COL4A2: variants seen among roughly 807,000 people sequenced by gnomAD.
The protein encoded by COL4A2 is collagen alpha-2(IV) chain.
In COL4A2, 99 loss-of-function variants were observed where a neutral mutation model predicts 200.2. That is an observed-to-expected ratio of 0.49 (90% CI 0.42 to 0.58). The LOEUF is 0.58. Among genes scored for constraint, COL4A2 ranks in the 20% least tolerant of loss-of-function variants. The probability of loss-of-function intolerance (pLI) is 0.00; values close to 1 mark genes in which losing one functional copy is unlikely to be tolerated. For missense variants in COL4A2, 1,950 were observed against 2,314.1 expected (o/e 0.84, Z 3.23); for synonymous variants, 897 against 900.6 (o/e 1.00, Z 0.07).
chr13:110,344,937 C>A (rs1023590216), intron 3 of COL4A2, among the ~76,000 whole-genome samples: 61 of 152,290 alleles, frequency 4.0e-4, no homozygotes, highest in Admixed American at 2.0e-3. Context: ...GCCCTAGTTA[C>A]AAAGTTGCAT....
At chr13:110,496,680 T>G (rs7996741) in intron 40 of COL4A2, among the ~76,000 whole-genome samples, 158 of 74,618 alleles carry the variant, frequency 2.1e-3, no homozygotes, top group Middle Eastern at 0.011. Flanking sequence ...TCAGTCAGAG[T>G]TGAGGATCTA....
intron 3 of COL4A2, among the ~76,000 whole-genome samples, chr13:110,348,724 G>A (rs1876821108): frequency 6.6e-6 from 1 of 152,074 alleles, no homozygotes. Context: ...TTAACAATAG[G>A]TAATGTTGAT....
At chr13:110,338,526 A>C (rs1876310168) in intron 3 of COL4A2, among the ~76,000 whole-genome samples, 1 of 152,082 alleles carries the variant, frequency 6.6e-6, no homozygotes, top group African/African-American at 2.4e-5. Context: ...AGCAGGAGGG[A>C]GCTGGCCTGG....
intron 29 of COL4A2, among the ~76,000 whole-genome samples, chr13:110,473,801 G>T (rs1434620610): frequency 2.0e-5 from 3 of 152,202 alleles, no homozygotes; most frequent in African/African-American, 7.2e-5. Context: ...GGGATTGCTA[G>T]ATCATTGCAA....
intron 4 of COL4A2, among the ~76,000 whole-genome samples, chr13:110,376,897 A>T (rs1878260384): frequency 6.6e-6 from 1 of 152,208 alleles, no homozygotes. Flanking sequence ...TATTAAGCAG[A>T]TAGATAATTC....
intron 16 of COL4A2, among the ~76,000 whole-genome samples, chr13:110,445,274 T>C (rs373419641): frequency 6.6e-6 from 1 of 152,190 alleles, no homozygotes; most frequent in African/African-American, 2.4e-5. Context: ...GTTCAGGTTG[T>C]CAACACCTGA....
intron 4 of COL4A2, among the ~76,000 whole-genome samples, chr13:110,361,960 T>C (rs1877533588): frequency 6.6e-6 from 1 of 152,192 alleles, no homozygotes; most frequent in South Asian, 2.1e-4. Context: ...CACACCCAGA[T>C]TGTGGCAGAG....
chr13:110,408,406 A>C (rs1457992091), intron 4 of COL4A2, among the ~76,000 whole-genome samples: 1 of 152,196 alleles, frequency 6.6e-6, no homozygotes. Context: ...TTCCTCCATG[A>C]CCATGCTTCC....
intron 38 of COL4A2, 133 bp from the exon 39 acceptor site, chr13:110,493,073 ACCCCC>A: frequency 3.5e-5 from 30 of 853,292 alleles, no homozygotes; most frequent in Middle Eastern, 5.1e-4. Flanking sequence ...GATGAGTGAC[ACCCCC>A]ATGGGTGAAA....
intron 4 of COL4A2, among the ~76,000 whole-genome samples, chr13:110,392,982 C>T (rs113855883): frequency 2.1e-3 from 313 of 152,326 alleles, no homozygotes; most frequent in African/African-American, 7.3e-3. Context: ...ATGGAGGATT[C>T]TGACTAGCCT....
At chr13:110,363,588 T>C (rs1455434850) in intron 4 of COL4A2, among the ~76,000 whole-genome samples, 2 of 152,052 alleles carry the variant, frequency 1.3e-5, no homozygotes, top group South Asian at 2.1e-4. Flanking sequence ...AGGGGTCATC[T>C]TGAGATGAAA....
intron 26 of COL4A2, among the ~76,000 whole-genome samples, chr13:110,466,601 C>T (rs7995370): frequency 0.16 from 24,747 of 152,232 alleles, 2,351 homozygotes; most frequent in Admixed American, 0.29. Context: ...CTGTGGTTCA[C>T]TCTGAAAGTA....
intron 46 of COL4A2, chr13:110,507,558 G>A: frequency 3.8e-6 from 1 of 262,746 alleles, no homozygotes; most frequent in Non-Finnish European, 7.3e-6. Flanking sequence ...TTCTGGGGTG[G>A]CTCCTTGGGG....
intron 3 of COL4A2, among the ~76,000 whole-genome samples, chr13:110,325,085 A>G (rs571122471): frequency 1.3e-5 from 2 of 152,348 alleles, no homozygotes; most frequent in South Asian, 2.1e-4. Context: ...AACTGACTGT[A>G]TGAAAACGTC....
Position 110,465,511 on chromosome 13 carries a change from T to G in COL4A2, c.1883T>G (p.Leu628Arg), listed in dbSNP as rs760079031. The G allele has an allele frequency of 6.2e-7, 1 of 1,613,996 alleles. No individual in the cohort carries two copies. The highest frequency in any genetic ancestry group is 8.5e-7 in the Non-Finnish European group (1 of 1,180,014). ...CCCCCAGGACTGGGCCTTCCCGGCC[T>G]CAAAGGCCAACGTGGTTTCCCTGGA... ...MGPPGLGLPG[L>R]KGQRGFPGDA... Residue 628 changes from leucine (L) to arginine (R), a missense_variant, in exon 25 of 48, where the codon CTC becomes CGC. Physicochemically the swap from Leu to Arg is moderately radical, Grantham distance 102 (BLOSUM62 -2). Around this residue, in one of 2 missense-constraint regions of COL4A2, gnomAD observed 1,385 missense variants for 1,720.5 expected, o/e 0.80. Transcript: ENST00000360467.
intron 8 of COL4A2, 95 bp from the exon 9 acceptor site, chr13:110,430,306 G>A: frequency 6.5e-7 from 1 of 1,537,870 alleles, no homozygotes; most frequent in South Asian, 1.3e-5. Context: ...GGGCTGATCT[G>A]TTTGATATGC....
At chr13:110,490,835 G>A (rs918298497) in intron 36 of COL4A2, among the ~76,000 whole-genome samples, 1 of 152,196 alleles carries the variant, frequency 6.6e-6, no homozygotes, top group Non-Finnish European at 1.5e-5. Flanking sequence ...TATTTTTGCT[G>A]TTACCTTTGA....
chr13:110,495,397 C>G lies in COL4A2; in HGVS notation c.3690C>G (p.Asp1230Glu), dbSNP rs1341377111. The change falls in exon 40 of 48, where the codon GAC becomes GAG. Residue 1230 changes from aspartate (D) to glutamate (E), a missense_variant. Physicochemically the swap from Asp to Glu is conservative, Grantham distance 45. Around this residue, in one of 2 missense-constraint regions of COL4A2, gnomAD observed 1,385 missense variants for 1,720.5 expected, o/e 0.80. Transcript: ENST00000360467. Reference protein sequence around the residue: ...GFPGPPGERGDPGEANTLPGP... With the variant: ...GFPGPPGERGEPGEANTLPGP... Reference sequence around the variant, plus strand: ...CAGGCCCTCCTGGGGAAAGAGGTGACCCAGGAGAGGCCAACACCCTTCCAG... The same window carrying G: ...CAGGCCCTCCTGGGGAAAGAGGTGAGCCAGGAGAGGCCAACACCCTTCCAG... The G allele has an allele frequency of 6.2e-7, 1 of 1,613,966 alleles. No homozygotes were observed. The highest frequency in any genetic ancestry group is 1.3e-5 in the African/African-American group (1 of 74,924).
At chr13:110,467,455 A>G (rs563263798) in intron 27 of COL4A2, among the ~76,000 whole-genome samples, 2 of 152,392 alleles carry the variant, frequency 1.3e-5, no homozygotes, top group African/African-American at 2.4e-5. Flanking sequence ...ATCTAGGGGA[A>G]GAACCTACAG....
Sources: gnomAD v4.1 joint callset for allele counts (sites outside exome capture counted in the v4.1 genomes callset) on GRCh38, gnomAD v4.1.1 for gene constraint, gnomAD v4.1.1 regional missense constraint, MANE v1.5 for transcripts, NCBI Gene and HGNC (gene_info 2026-07-23, HGNC 2026-07-21) for gene names.